ZC3H11A: variants seen among roughly 807,000 people sequenced by gnomAD.
ZC3H11A encodes the protein zinc finger CCCH-type containing 11A.
ZC3H11A carries 22 observed loss-of-function variants against 90.8 expected under a neutral mutation model. The ratio of observed to expected loss-of-function variants is 0.24; its 90% CI spans 0.17 to 0.35. ZC3H11A has a LOEUF of 0.35. ZC3H11A is among the 10% of genes least tolerant of loss of function. ZC3H11A has a pLI of 1.00. For missense variants in ZC3H11A, 701 were observed against 964.9 expected (o/e 0.73, Z 3.62); for synonymous variants, 294 against 339.8 (o/e 0.87, Z 1.48).
intron 14 of ZC3H11A, among the ~76,000 whole-genome samples, 164 bp from the exon 15 acceptor site, chr1:203,849,547 C>T (rs753205562): frequency 1.8e-4 from 27 of 152,150 alleles, no homozygotes; most frequent in Non-Finnish European, 3.7e-4. Context: ...TCTAATCTTT[C>T]ATCTTTAACA....
At chr1:203,837,455 T>TC (rs1455039349) in intron 10 of ZC3H11A, among the ~76,000 whole-genome samples, 1 of 109,830 alleles carries the variant, frequency 9.1e-6, no homozygotes, top group African/African-American at 3.3e-5. Context: ...CTTGTCTCTC[T>TC]TTTTTTTTTT....
At chr1:203,800,177 A>G in intron 1 of ZC3H11A, 1 of 1,528,996 alleles carries the variant, frequency 6.5e-7, no homozygotes, top group Non-Finnish European at 8.8e-7. Context: ...ATGACCCTTT[A>G]ATTTACTGGC....
intron 4 of ZC3H11A, among the ~76,000 whole-genome samples, chr1:203,821,295 CTG>C (rs1678600861): frequency 6.6e-6 from 1 of 152,136 alleles, no homozygotes; most frequent in Admixed American, 6.6e-5. Context: ...CCATGCAGAA[CTG>C]TGAGTTAGTT....
chr1:203,841,208 G>A (rs1382046579), intron 12 of ZC3H11A, among the ~76,000 whole-genome samples: 2 of 151,130 alleles, frequency 1.3e-5, no homozygotes, highest in Non-Finnish European at 2.9e-5. Flanking sequence ...TCGGAGAGGG[G>A]GATTGGCAGG....
At chr1:203,808,063 T>G (rs1416683647) in intron 2 of ZC3H11A, among the ~76,000 whole-genome samples, 8 of 152,146 alleles carry the variant, frequency 5.3e-5, no homozygotes, top group Non-Finnish European at 8.8e-5. Context: ...TTTTCTACTT[T>G]TATTGAGTAC....
At chr1:203,834,061 G>C (rs1455635352) in intron 10 of ZC3H11A, 1 of 1,229,506 alleles carries the variant, frequency 8.1e-7, no homozygotes, top group African/African-American at 1.6e-5. Context: ...ACTAGATTAT[G>C]ACCATGACCA....
At chr1:203,818,913 C>CA (rs71145030) in intron 4 of ZC3H11A, among the ~76,000 whole-genome samples, 1 of 151,302 alleles carries the variant, frequency 6.6e-6, no homozygotes, top group Non-Finnish European at 1.5e-5. Context: ...ACTAAAAATA[C>CA]AAAAAATTAG....
chr1:203,810,854 G>T (rs941851824), intron 2 of ZC3H11A, among the ~76,000 whole-genome samples: 8 of 152,088 alleles, frequency 5.3e-5, no homozygotes, highest in Middle Eastern at 3.4e-3. Flanking sequence ...AATTAGTTGT[G>T]GGCCAGACGC....
chr1:203,851,170 C>A, intron 17 of ZC3H11A, 46 bp downstream of exon 17: 2 of 1,557,410 alleles, frequency 1.3e-6, no homozygotes, highest in Non-Finnish European at 1.8e-6. Flanking sequence ...GCCCCTGTTA[C>A]TGTTTAGGCT....
intron 4 of ZC3H11A, among the ~76,000 whole-genome samples, 190 bp from the exon 5 acceptor site, chr1:203,828,109 T>G (rs1267853348): frequency 6.6e-6 from 1 of 152,220 alleles, no homozygotes; most frequent in Non-Finnish European, 1.5e-5. Context: ...ACTACTCTCC[T>G]GCTCCATTCA....
intron 4 of ZC3H11A, among the ~76,000 whole-genome samples, chr1:203,823,684 T>G (rs1202961560): frequency 4.6e-5 from 7 of 152,250 alleles, no homozygotes; most frequent in African/African-American, 9.6e-5. Context: ...CACTGAGGCT[T>G]ATTGGCTGTA....
chr1:203,808,248 AT>A (rs1673054641), intron 2 of ZC3H11A, among the ~76,000 whole-genome samples: 1 of 152,156 alleles, frequency 6.6e-6, no homozygotes, highest in Admixed American at 6.5e-5. Flanking sequence ...TCTCCTTTAC[AT>A]TCTGGATGAA....
chr1:203,805,672 G>T, intron 2 of ZC3H11A: 1 of 696,368 alleles, frequency 1.4e-6, no homozygotes, highest in Non-Finnish European at 2.7e-6. Context: ...CTCCATCCTT[G>T]TTTTTGTGAC....
At chr1:203,800,560 C>G in intron 1 of ZC3H11A, 2 of 1,099,836 alleles carry the variant, frequency 1.8e-6, no homozygotes, top group Non-Finnish European at 2.4e-6. Flanking sequence ...ATAAACACAT[C>G]TGGGGAAACC....
rs774771270 is a variant in ZC3H11A, at chr1:203,830,925, A to AT, written c.701-698dup. ...GATTGCTCTGTATTTCCAACCCCCA[A>AT]TTTTTTTTTTTTTTTTTTTTTTTTT... On this transcript the variant is annotated intron_variant, in intron 8 of 17. Transcript: ENST00000367210. Among the ~76,000 whole-genome samples the AT allele has an allele frequency of 6.2e-3, 318 of 51,382 alleles. 52 individuals carry two copies. The highest frequency in any genetic ancestry group is 8.6e-3 in the Non-Finnish European group (233 of 27,060). 33.7% of individuals were successfully genotyped at this position (51,382 alleles called of 152,430 possible).
intron 4 of ZC3H11A, among the ~76,000 whole-genome samples, chr1:203,826,141 A>C (rs1490313488): frequency 6.6e-6 from 1 of 152,188 alleles, no homozygotes; most frequent in Non-Finnish European, 1.5e-5. Context: ...TGTCTAAAAA[A>C]CAGTGGTAGC....
chr1:203,831,525 T>C lies in ZC3H11A; in HGVS notation c.701-136T>C, dbSNP rs531531652. ...CTCCATTTGACTGTAGGCAAACAGA[T>C]ACAGAAAGGCTGATTGGCTTATAGT... On this transcript the variant is annotated intron_variant, in intron 8 of 17. Transcript: ENST00000367210. 1.9e-4 allele frequency: 126 copies of C among 672,706 alleles called. 1 individual carries two copies. In the South Asian group the frequency reaches 2.4e-3, roughly 13 times the overall value. 41.7% of individuals were successfully genotyped at this position (672,706 alleles called of 1,614,324 possible).
intron 1 of ZC3H11A, chr1:203,800,316 A>G: frequency 1.1e-6 from 1 of 889,034 alleles, no homozygotes; most frequent in Non-Finnish European, 1.8e-6. Context: ...ACAGATCATG[A>G]GCCTGGACTT....
At chr1:203,824,789 A>G (rs538881121) in intron 4 of ZC3H11A, among the ~76,000 whole-genome samples, 1 of 152,252 alleles carries the variant, frequency 6.6e-6, no homozygotes, top group East Asian at 1.9e-4. Context: ...TAGAGAAAAT[A>G]GATTGTTAGG....
Sources: gnomAD v4.1 joint callset for allele counts (sites outside exome capture counted in the v4.1 genomes callset) on GRCh38, gnomAD v4.1.1 for gene constraint, MANE v1.5 for transcripts, NCBI Gene and HGNC (gene_info 2026-07-23, HGNC 2026-07-21) for gene names.